The following PLA2G7 variants were observed in gnomAD, a reference collection of about 807,000 sequenced individuals.
The protein encoded by PLA2G7 is platelet-activating factor acetylhydrolase.
PLA2G7 carries 63 observed loss-of-function variants against 49.6 expected under a neutral mutation model. The ratio of observed to expected loss-of-function variants is 1.27; its 90% CI spans 1.04 to 1.57. PLA2G7 has a LOEUF of 1.57. PLA2G7 is among the 40% of genes most tolerant of loss of function. The pLI is 0.00. For synonymous variants in PLA2G7, 193 were observed against 169.9 expected (o/e 1.14, Z -1.06); for missense variants, 596 against 521.2 (o/e 1.14, Z -1.40).
chr6:46,725,051 C>A (rs756060622), intron 1 of PLA2G7, among the ~76,000 whole-genome samples: 2 of 152,056 alleles, frequency 1.3e-5, no homozygotes, highest in African/African-American at 4.8e-5. Context: ...CAATATAATA[C>A]AGGAAGAAAG....
intron 11 of PLA2G7, 46 bp from the exon 12 acceptor site, chr6:46,704,742 A>G (rs1223407597): frequency 4.0e-6 from 5 of 1,262,600 alleles, no homozygotes; most frequent in Non-Finnish European, 5.8e-6. Flanking sequence ...TTTTGAGAGC[A>G]TTAAACAGTT....
intron 7 of PLA2G7, among the ~76,000 whole-genome samples, chr6:46,711,135 C>G (rs1161540826): frequency 1.3e-5 from 2 of 152,190 alleles, no homozygotes; most frequent in Non-Finnish European, 2.9e-5. Flanking sequence ...GGCCCATACT[C>G]TTAATTCTAT....
chr6:46,721,303 C>T (rs1487333595), intron 2 of PLA2G7, among the ~76,000 whole-genome samples: 1 of 151,996 alleles, frequency 6.6e-6, no homozygotes, highest in African/African-American at 2.4e-5. Context: ...CCACCTCGGC[C>T]TCCCAAAGTG....
intron 2 of PLA2G7, among the ~76,000 whole-genome samples, chr6:46,720,807 G>A (rs955701513): frequency 2.0e-5 from 3 of 152,116 alleles, no homozygotes; most frequent in Non-Finnish European, 4.4e-5. Flanking sequence ...TATTCCTGAT[G>A]TTCAGTCTTG....
intron 8 of PLA2G7, 134 bp from the exon 9 acceptor site, chr6:46,709,552 T>A (rs1375530796): frequency 1.5e-6 from 1 of 657,166 alleles, no homozygotes; most frequent in Non-Finnish European, 2.8e-6. Flanking sequence ...AATATACATA[T>A]ACACACATAC....
intron 10 of PLA2G7, among the ~76,000 whole-genome samples, chr6:46,707,649 C>T (rs1186126003): frequency 6.6e-6 from 1 of 152,178 alleles, no homozygotes; most frequent in African/African-American, 2.4e-5. Context: ...GAGGCCTCCC[C>T]AGAAGCCGAG....
intron 2 of PLA2G7, among the ~76,000 whole-genome samples, chr6:46,719,976 G>C (rs1009685609): frequency 1.3e-5 from 2 of 152,124 alleles, no homozygotes; most frequent in Non-Finnish European, 2.9e-5. Flanking sequence ...ATTACAAAAG[G>C]CTCTTCTTCC....
chr6:46,716,820 G>A (rs570117734), intron 3 of PLA2G7, among the ~76,000 whole-genome samples, 155 bp downstream of exon 3: 1 of 152,310 alleles, frequency 6.6e-6, no homozygotes, highest in African/African-American at 2.4e-5. Context: ...ATTGAGGAAT[G>A]GCCAAACTAG....
intron 8 of PLA2G7, among the ~76,000 whole-genome samples, chr6:46,709,737 T>C (rs1729471908): frequency 6.6e-6 from 1 of 152,210 alleles, no homozygotes. Flanking sequence ...TGTTTATTTG[T>C]TTGTTCATTC....
At chr6:46,719,239 A>G (rs1765315729) in intron 2 of PLA2G7, among the ~76,000 whole-genome samples, 2 of 152,222 alleles carry the variant, frequency 1.3e-5, no homozygotes, top group Admixed American at 1.3e-4. Flanking sequence ...ACCATGGAAC[A>G]TTGCCCAGAA....
chr6:46,720,812 G>T (rs986987399), intron 2 of PLA2G7, among the ~76,000 whole-genome samples: 1 of 152,150 alleles, frequency 6.6e-6, no homozygotes, highest in African/African-American at 2.4e-5. Context: ...CTGATGTTCA[G>T]TCTTGGGTTT....
intron 1 of PLA2G7, among the ~76,000 whole-genome samples, chr6:46,731,716 T>C (rs930048285): frequency 3.9e-5 from 6 of 152,172 alleles, no homozygotes; most frequent in Non-Finnish European, 5.9e-5. Flanking sequence ...TTCAAAGTAA[T>C]ACAATATGAG....
rs991663111 is a variant in PLA2G7, at chr6:46,735,366, C to T, written c.-221G>A. The stretch of plus-strand genomic sequence containing the variant: ...GCAGGCGGCGGGCGGGTGGGCTGCG[C>T]GCGGGCTGTGTCCTGGGTCCGCCTA... On this transcript the variant is annotated 5_prime_UTR_variant, in exon 1 of 12. Coordinates refer to ENST00000274793, the MANE Select transcript of PLA2G7 (RefSeq NM_005084.4). The T allele has an allele frequency of 6.5e-6, 1 of 152,700 alleles. No homozygotes were observed. The highest frequency in any genetic ancestry group is 1.5e-5 in the Non-Finnish European group (1 of 68,386). 9.5% of individuals were successfully genotyped at this position (152,700 alleles called of 1,614,324 possible).
intron 7 of PLA2G7, 116 bp downstream of exon 7, chr6:46,711,380 T>TG: frequency 1.8e-6 from 2 of 1,119,328 alleles, no homozygotes; most frequent in Non-Finnish European, 1.4e-6. Flanking sequence ...CTTTTGGGAA[T>TG]GGGAAATAGG....
Position 46,710,616 on chromosome 6 carries a change from T to G in PLA2G7, c.706A>C (p.Ile236Leu), listed in dbSNP as rs1215767535. Residue 236 changes from isoleucine (I) to leucine (L), a missense_variant, in exon 8 of 12, where the codon ATT (isoleucine) becomes CTT (leucine). Coordinates refer to ENST00000274793, the MANE Select transcript of PLA2G7 (RefSeq NM_005084.4). ...AKECSQALSL[I>L]LDIDHGKPVK... ...GGCTTTCCATGATCAATGTCAAGAA[T>G]CAGACTGAGAGCTTGGGAACATTCT... The G allele has an allele frequency of 6.2e-7, 1 of 1,613,514 alleles. No individual in the cohort carries two copies. Among genetic ancestry groups the G allele is most frequent in the Admixed American group, 1.7e-5 (1 of 60,000 alleles).
chr6:46,726,432 AG>A (rs1470447724), intron 1 of PLA2G7, among the ~76,000 whole-genome samples: 1 of 152,228 alleles, frequency 6.6e-6, no homozygotes, highest in Non-Finnish European at 1.5e-5. Flanking sequence ...TACACAGATA[AG>A]TGCCTTTTTC....
intron 3 of PLA2G7, 124 bp downstream of exon 3, chr6:46,716,851 A>G: frequency 1.0e-6 from 1 of 976,710 alleles, no homozygotes; most frequent in Non-Finnish European, 1.6e-6. Context: ...CATATGAAAC[A>G]ATACAAATTG....
intron 9 of PLA2G7, among the ~76,000 whole-genome samples, chr6:46,709,082 C>G (rs1193915410): frequency 3.9e-5 from 6 of 151,982 alleles, no homozygotes; most frequent in African/African-American, 1.5e-4. Context: ...AAAGTGTTAA[C>G]CCCTTGGGTA....
intron 11 of PLA2G7, 137 bp from the exon 12 acceptor site, chr6:46,704,833 C>T (rs1237529294): frequency 7.6e-6 from 5 of 657,264 alleles, no homozygotes; most frequent in Non-Finnish European, 1.3e-5. Flanking sequence ...TCTGTATCAG[C>T]TGCCTCATGG....
Sources: gnomAD v4.1 joint callset for allele counts (sites outside exome capture counted in the v4.1 genomes callset) on GRCh38, gnomAD v4.1.1 for gene constraint, MANE v1.5 for transcripts, NCBI Gene and HGNC (gene_info 2026-07-23, HGNC 2026-07-21) for gene names.